Variants in CSMD1 observed in about 807,000 individuals in gnomAD.
CSMD1 encodes CUB and sushi domain-containing protein 1.
CSMD1 carries 213 observed loss-of-function variants against 417.5 expected under a neutral mutation model. The observed-to-expected ratio is 0.51, with a 90% CI of 0.46 to 0.57. The LOEUF (loss-of-function observed/expected upper bound fraction) is 0.57. Among genes scored for constraint, CSMD1 ranks in the 20% least tolerant of loss-of-function variants. CSMD1 has a pLI of 0.00. For synonymous variants in CSMD1, 2,862 were observed against 1,736.8 expected, an observed-to-expected ratio of 1.65 and a Z score of -16.11; for missense variants, 6,923 against 4,529.7, an observed-to-expected ratio of 1.53 and a Z score of -15.17.
chr8:3,915,545 T>C (rs958520022), intron 5 of CSMD1, among the ~76,000 whole-genome samples: 2 of 151,796 alleles, frequency 1.3e-5, no homozygotes, highest in African/African-American at 2.4e-5. Context: ...AATTCTAGCT[T>C]TAAACACAAG....
intron 1 of CSMD1, among the ~76,000 whole-genome samples, chr8:4,693,022 T>C (rs1161591385): frequency 6.6e-6 from 1 of 152,196 alleles, no homozygotes; most frequent in Non-Finnish European, 1.5e-5. Context: ...CGTCAACTCC[T>C]GTCCAGAGGC....
At chr8:4,336,757 A>G (rs1237893441) in intron 3 of CSMD1, among the ~76,000 whole-genome samples, 1 of 152,124 alleles carries the variant, frequency 6.6e-6, no homozygotes, top group Non-Finnish European at 1.5e-5. Context: ...GACTGGATCC[A>G]CAATGGGCAA....
intron 1 of CSMD1, among the ~76,000 whole-genome samples, chr8:4,854,219 T>C (rs899400165): frequency 6.6e-6 from 1 of 152,128 alleles, no homozygotes; most frequent in Admixed American, 6.5e-5. Context: ...AGTGGAAAGA[T>C]ATGATTTGGG....
At chr8:3,479,409 T>A (rs1323751898) in intron 11 of CSMD1, among the ~76,000 whole-genome samples, 1 of 152,168 alleles carries the variant, frequency 6.6e-6, no homozygotes, top group African/African-American at 2.4e-5. Flanking sequence ...GCCTCCCAAG[T>A]GGCTGGGATT....
At chr8:3,619,886 G>C (rs1458169262) in intron 7 of CSMD1, among the ~76,000 whole-genome samples, 1 of 152,168 alleles carries the variant, frequency 6.6e-6, no homozygotes, top group Non-Finnish European at 1.5e-5. Flanking sequence ...TGGATCACTT[G>C]ACGTCAGGAA....
chr8:4,301,143 G>C (rs1364787495), intron 3 of CSMD1, among the ~76,000 whole-genome samples: 1 of 152,144 alleles, frequency 6.6e-6, no homozygotes, highest in Admixed American at 6.5e-5. Context: ...GGAATGAGCA[G>C]GAGCATTGTT....
intron 3 of CSMD1, among the ~76,000 whole-genome samples, chr8:4,267,579 T>A (rs921733187): frequency 1.3e-5 from 2 of 151,964 alleles, no homozygotes; most frequent in Non-Finnish European, 2.9e-5. Context: ...ACACAATAAG[T>A]GACACATTCT....
At chr8:4,271,339 A>G (rs1211802853) in intron 3 of CSMD1, among the ~76,000 whole-genome samples, 1 of 152,198 alleles carries the variant, frequency 6.6e-6, no homozygotes, top group Non-Finnish European at 1.5e-5. Flanking sequence ...TTAGTAAGAA[A>G]CACTGGCAGT....
intron 3 of CSMD1, among the ~76,000 whole-genome samples, chr8:4,417,918 A>C (rs1797036144): frequency 6.6e-6 from 1 of 152,088 alleles, no homozygotes; most frequent in Non-Finnish European, 1.5e-5. Flanking sequence ...AGTATTTGGT[A>C]CTTGCAATAA....
chr8:3,326,608 G>A (rs914524979), intron 23 of CSMD1, among the ~76,000 whole-genome samples: 3 of 152,204 alleles, frequency 2.0e-5, no homozygotes, highest in African/African-American at 7.2e-5. Context: ...ACGTAAACCA[G>A]GAATTGTATG....
chr8:3,397,586 G>T (rs969556154), intron 16 of CSMD1, among the ~76,000 whole-genome samples: 2 of 152,186 alleles, frequency 1.3e-5, no homozygotes, highest in Admixed American at 1.3e-4. Flanking sequence ...TGCCAACTTT[G>T]TCTTATGACA....
chr8:4,962,979 A>C (rs1809607620), intron 1 of CSMD1, among the ~76,000 whole-genome samples: 1 of 152,110 alleles, frequency 6.6e-6, no homozygotes, highest in Non-Finnish European at 1.5e-5. Context: ...GGATCGAAGA[A>C]TCTAGTGACG....
intron 2 of CSMD1, among the ~76,000 whole-genome samples, chr8:4,608,588 G>T (rs549434775): frequency 5.9e-5 from 9 of 152,296 alleles, no homozygotes; most frequent in Admixed American, 5.9e-4. Flanking sequence ...GGGATGCGAT[G>T]GCAAAGTTAT....
chr8:4,979,844 T>C (rs1810776576), intron 1 of CSMD1, among the ~76,000 whole-genome samples: 1 of 152,132 alleles, frequency 6.6e-6, no homozygotes, highest in African/African-American at 2.4e-5. Context: ...TAGATCATCC[T>C]GGCTAACACA....
At chr8:3,635,627 G>C (rs1467409845) in intron 7 of CSMD1, among the ~76,000 whole-genome samples, 1 of 151,286 alleles carries the variant, frequency 6.6e-6, no homozygotes, top group Non-Finnish European at 1.5e-5. Flanking sequence ...GGGACTACAG[G>C]CGCCAGCCAC....
intron 2 of CSMD1, among the ~76,000 whole-genome samples, chr8:4,590,518 T>C (rs1585297569): frequency 6.6e-6 from 1 of 152,262 alleles, no homozygotes; most frequent in South Asian, 2.1e-4. Flanking sequence ...TTTGAAGCGC[T>C]AGCATAATAC....
intron 11 of CSMD1, among the ~76,000 whole-genome samples, chr8:3,478,493 C>T (rs538412247): frequency 6.6e-6 from 1 of 152,116 alleles, no homozygotes; most frequent in Non-Finnish European, 1.5e-5. Context: ...AAGAAGCTAC[C>T]AGAAGACACT....
intron 7 of CSMD1, among the ~76,000 whole-genome samples, chr8:3,689,156 C>T (rs1030515245): frequency 1.3e-5 from 2 of 152,166 alleles, no homozygotes; most frequent in Non-Finnish European, 2.9e-5. Context: ...AGACAACGCG[C>T]TCTAAGGTTG....
intron 5 of CSMD1, among the ~76,000 whole-genome samples, chr8:3,802,530 C>T (rs1800515438): frequency 6.6e-6 from 1 of 152,068 alleles, no homozygotes; most frequent in Non-Finnish European, 1.5e-5. Flanking sequence ...GTGGGAAATA[C>T]ATTTAGCAGA....
Sources: gnomAD v4.1 joint callset for allele counts (sites outside exome capture counted in the v4.1 genomes callset) on GRCh38, gnomAD v4.1.1 for gene constraint, MANE v1.5 for transcripts, NCBI Gene and HGNC (gene_info 2026-07-23, HGNC 2026-07-21) for gene names.